RUNX2: variants seen among roughly 807,000 people sequenced by gnomAD.
The protein encoded by RUNX2 is runt-related transcription factor 2.
In RUNX2, 10 loss-of-function variants were observed where a neutral mutation model predicts 51.7. The observed-to-expected ratio is 0.19, with a 90% CI of 0.12 to 0.33. The LOEUF (loss-of-function observed/expected upper bound fraction) is 0.33, where lower values mean the gene tolerates loss of function less well. Among genes scored for constraint, RUNX2 ranks in the 10% least tolerant of loss-of-function variants. RUNX2 has a pLI of 1.00. For missense variants in RUNX2, 562 were observed against 691.3 expected (o/e 0.81, Z 2.10); for synonymous variants, 276 against 273.6 (o/e 1.01, Z -0.09).
At chr6:45,356,238 T>C (rs943662737) in intron 2 of RUNX2, among the ~76,000 whole-genome samples, 11 of 152,072 alleles carry the variant, frequency 7.2e-5, no homozygotes, top group African/African-American at 1.9e-4. Flanking sequence ...AAAATCTACA[T>C]AGGTGTCCAA....
chr6:45,342,850 A>C (rs1473031821), intron 2 of RUNX2, among the ~76,000 whole-genome samples: 3 of 152,224 alleles, frequency 2.0e-5, no homozygotes, highest in Non-Finnish European at 4.4e-5. Context: ...AAAGTCCTCC[A>C]ATTACAAGAT....
At chr6:45,503,942 T>C (rs1800875728) in intron 6 of RUNX2, among the ~76,000 whole-genome samples, 1 of 152,200 alleles carries the variant, frequency 6.6e-6, no homozygotes, top group Non-Finnish European at 1.5e-5. Context: ...TTACTAATTC[T>C]CTCTTCTCCC....
chr6:45,434,294 GCTTCCT>G (rs1340162843), intron 4 of RUNX2, among the ~76,000 whole-genome samples: 2 of 152,000 alleles, frequency 1.3e-5, no homozygotes, highest in African/African-American at 4.8e-5. Context: ...GACTCTTCCA[GCTTCCT>G]CTTTGATTTT....
chr6:45,471,408 T>C lies in RUNX2; in HGVS notation c.686-20533T>C, dbSNP rs116493105. ...TTTTCCTGTGCATGTAGAACTCAAG[T>C]GGTACCTACATCCCTCGCCCCAGAC... On this transcript the variant is annotated intron_variant, in intron 5 of 8. Transcript: ENST00000647337. 6.2e-3 allele frequency among the ~76,000 whole-genome samples: 949 copies of C among 151,964 alleles called. 8 individuals are homozygous for C. Among genetic ancestry groups the C allele is most frequent in the African/African-American group, 0.021 (888 of 41,436 alleles).
chr6:45,499,842 G>A (rs1438492208), intron 6 of RUNX2, among the ~76,000 whole-genome samples: 1 of 152,150 alleles, frequency 6.6e-6, no homozygotes, highest in Non-Finnish European at 1.5e-5. Flanking sequence ...TGCAGAGGAA[G>A]TCTTGATTTT....
chr6:45,544,950 G>A (rs2150451746), intron 7 of RUNX2, among the ~76,000 whole-genome samples: 1 of 152,334 alleles, frequency 6.6e-6, no homozygotes, highest in Middle Eastern at 3.4e-3. Flanking sequence ...GAGGATGGAA[G>A]AATTTATAAA....
intron 2 of RUNX2, chr6:45,371,754 C>G: frequency 1.3e-6 from 1 of 775,050 alleles, no homozygotes. Context: ...AAAAGAAAAT[C>G]TTAGGTAGAT....
chr6:45,540,235 T>C (rs1210521856), intron 7 of RUNX2, among the ~76,000 whole-genome samples: 3 of 152,200 alleles, frequency 2.0e-5, no homozygotes, highest in Admixed American at 6.5e-5. Flanking sequence ...TGCTCAGATA[T>C]GCTTTTTGAA....
chr6:45,410,520 G>A (rs1381486843), intron 2 of RUNX2, among the ~76,000 whole-genome samples: 1 of 152,134 alleles, frequency 6.6e-6, no homozygotes, highest in Non-Finnish European at 1.5e-5. Flanking sequence ...CATGCTACAT[G>A]CCAGAACTTA....
At chr6:45,519,790 ATGTGTGTG>A (rs35210688) in intron 7 of RUNX2, among the ~76,000 whole-genome samples, 260 of 124,108 alleles carry the variant, frequency 2.1e-3, no homozygotes, top group Middle Eastern at 0.016. Context: ...ATATATATAT[ATGTGTGTG>A]TGTGTGTGTG....
chr6:45,363,424 T>A (rs1340277612), intron 2 of RUNX2, among the ~76,000 whole-genome samples: 1 of 152,140 alleles, frequency 6.6e-6, no homozygotes, highest in Non-Finnish European at 1.5e-5. Flanking sequence ...AAAGGTTAAA[T>A]AAGACTGGAA....
At chr6:45,350,377 G>A (rs952936971) in intron 2 of RUNX2, among the ~76,000 whole-genome samples, 6 of 152,150 alleles carry the variant, frequency 3.9e-5, no homozygotes, top group Admixed American at 3.9e-4. Flanking sequence ...TAAAATACAA[G>A]GAATTTGCAC....
In RUNX2 at chr6:45,547,321, G is replaced by GCC; in HGVS notation, c.*18_*19dup. ...ACCATATTGAAATTCCTCAGCAGTG[G>GCC]CCCAGTGGTATCTGGGGGCCACATC... is the stretch of plus-strand genomic sequence containing the variant. On this transcript the variant is annotated 3_prime_UTR_variant, in exon 9 of 9. Transcript: ENST00000647337. The GCC allele has an allele frequency of 6.3e-7, 1 of 1,596,996 alleles. No homozygotes were observed. The highest frequency in any genetic ancestry group is 8.6e-7 in the Non-Finnish European group (1 of 1,164,936).
At chr6:45,415,201 T>C (rs1016038159) in intron 2 of RUNX2, among the ~76,000 whole-genome samples, 3 of 152,078 alleles carry the variant, frequency 2.0e-5, no homozygotes, top group Admixed American at 2.0e-4. Context: ...GTAATTTGAA[T>C]AAGAAAAGTT....
At chr6:45,379,121 T>C (rs1236162052) in intron 2 of RUNX2, among the ~76,000 whole-genome samples, 1 of 152,236 alleles carries the variant, frequency 6.6e-6, no homozygotes, top group African/African-American at 2.4e-5. Context: ...TAGTTGAGTC[T>C]GCTAGTGTTG....
chr6:45,522,712 T>C (rs1438078105), intron 7 of RUNX2, among the ~76,000 whole-genome samples: 1 of 152,196 alleles, frequency 6.6e-6, no homozygotes, highest in Non-Finnish European at 1.5e-5. Context: ...CTAATCCCTT[T>C]CTATCTCTAA....
intron 5 of RUNX2, among the ~76,000 whole-genome samples, chr6:45,490,688 G>A (rs745463924): frequency 6.6e-6 from 1 of 152,122 alleles, no homozygotes; most frequent in East Asian, 1.9e-4. Context: ...AGGCTTGAAG[G>A]CTTTTCATAA....
intron 5 of RUNX2, among the ~76,000 whole-genome samples, chr6:45,456,795 T>C (rs747962358): frequency 6.6e-5 from 10 of 152,236 alleles, no homozygotes; most frequent in Non-Finnish European, 1.2e-4. Context: ...GTAATAACAT[T>C]GATGACTTCA....
Position 45,541,409 on chromosome 6 carries a change from C to T in RUNX2, c.1022-3808C>T, listed in dbSNP as rs185938209. Among the ~76,000 whole-genome samples, 55 of 152,148 alleles carry T rather than the reference C, an allele frequency of 3.6e-4. No individual in the cohort carries two copies. The South Asian group carries it at 5.2e-3, about 14-fold the overall frequency. Reference sequence around the variant, plus strand: ...GCTGTTGGGAAGGGGGCAGCCAAAACGTTTAAAAGGGGGAGAAGATTCTTG... The same window carrying T: ...GCTGTTGGGAAGGGGGCAGCCAAAATGTTTAAAAGGGGGAGAAGATTCTTG... On this transcript the variant is annotated intron_variant, in intron 7 of 8. Transcript: ENST00000647337.
Sources: allele counts gnomAD v4.1 joint callset (sites outside exome capture counted in the v4.1 genomes callset), GRCh38; gene constraint gnomAD v4.1.1; transcripts MANE v1.5; gene names NCBI Gene and HGNC (gene_info 2026-07-23, HGNC 2026-07-21).